Variants in SMURF2 observed in about 807,000 individuals in gnomAD.
SMURF2 encodes the protein SMAD specific E3 ubiquitin protein ligase 2.
A neutral mutation model predicts 109.6 loss-of-function variants in SMURF2; 48 were observed. The observed-to-expected ratio is 0.44, with a 90% CI of 0.35 to 0.56. The LOEUF (loss-of-function observed/expected upper bound fraction) is 0.56. Ranked by LOEUF, SMURF2 falls within the 20% of genes least tolerant of loss-of-function variation. The pLI, the probability that SMURF2 is intolerant of heterozygous loss-of-function variation, is 0.01. For synonymous variants in SMURF2, 288 were observed against 317.1 expected (o/e 0.91, Z 0.97); for missense variants, 575 against 909.0 (o/e 0.63, Z 4.72).
intron 1 of SMURF2, among the ~76,000 whole-genome samples, chr17:64,633,017 T>C (rs1229291592): frequency 6.6e-6 from 1 of 152,220 alleles, no homozygotes; most frequent in Admixed American, 6.5e-5. Flanking sequence ...AAGTCTGTAA[T>C]CTCAGCACTT....
At chr17:64,564,913 C>T (rs920723915) in intron 10 of SMURF2, among the ~76,000 whole-genome samples, 2 of 152,120 alleles carry the variant, frequency 1.3e-5, no homozygotes, top group East Asian at 3.8e-4. Context: ...GGAAGTCCCA[C>T]AGGGAGGGAC....
chr17:64,634,808 T>C (rs112618563), intron 1 of SMURF2, among the ~76,000 whole-genome samples: 6 of 152,330 alleles, frequency 3.9e-5, no homozygotes, highest in African/African-American at 1.4e-4. Context: ...CTGATGCTAA[T>C]ACATATCCTG....
intron 2 of SMURF2, among the ~76,000 whole-genome samples, chr17:64,599,251 G>A (rs1342782779): frequency 6.6e-6 from 1 of 152,118 alleles, no homozygotes; most frequent in South Asian, 2.1e-4. Flanking sequence ...ACTAGCCCAA[G>A]GTCACAGAGT....
At chr17:64,634,499 G>C (rs1478868201) in intron 1 of SMURF2, among the ~76,000 whole-genome samples, 3 of 152,138 alleles carry the variant, frequency 2.0e-5, no homozygotes, top group Non-Finnish European at 4.4e-5. Flanking sequence ...TTCAATTCCT[G>C]AGTCTTCCTA....
At chr17:64,631,474 G>T (rs1417988937) in intron 1 of SMURF2, among the ~76,000 whole-genome samples, 4 of 152,064 alleles carry the variant, frequency 2.6e-5, no homozygotes, top group African/African-American at 9.7e-5. Context: ...GACACATGTG[G>T]ATATTTAAAT....
chr17:64,660,391 GA>G (rs1477334255), intron 1 of SMURF2, among the ~76,000 whole-genome samples: 17 of 152,030 alleles, frequency 1.1e-4, no homozygotes, highest in Admixed American at 3.9e-4. Flanking sequence ...GACACTGAAT[GA>G]GGGGGGAGGG....
intron 10 of SMURF2, among the ~76,000 whole-genome samples, chr17:64,568,571 A>G (rs1218218960): frequency 1.3e-5 from 2 of 152,204 alleles, no homozygotes; most frequent in East Asian, 3.8e-4. Context: ...AAGTAATTCA[A>G]AGTCTAGTAG....
At chr17:64,647,743 T>A (rs1243855876) in intron 1 of SMURF2, among the ~76,000 whole-genome samples, 1 of 151,608 alleles carries the variant, frequency 6.6e-6, no homozygotes, top group African/African-American at 2.4e-5. Context: ...CATTTCACTT[T>A]CACTGGTTCA....
intron 5 of SMURF2, among the ~76,000 whole-genome samples, chr17:64,588,941 A>G (rs1179702580): frequency 7.2e-5 from 11 of 152,156 alleles, no homozygotes; most frequent in African/African-American, 2.7e-4. Context: ...CAGTTTTTAA[A>G]GTTAGTCTTC....
intron 1 of SMURF2, among the ~76,000 whole-genome samples, chr17:64,635,231 G>A (rs571421312): frequency 8.4e-4 from 128 of 152,222 alleles, no homozygotes; most frequent in African/African-American, 3.0e-3. Flanking sequence ...GGAGGCTGAG[G>A]CACGAGAATT....
At chr17:64,624,503 C>CAAAAAAAA (rs539075649) in intron 1 of SMURF2, among the ~76,000 whole-genome samples, 1 of 52,460 alleles carries the variant, frequency 1.9e-5, no homozygotes, top group Non-Finnish European at 4.1e-5. Flanking sequence ...CAGGCCTCTA[C>CAAAAAAAA]AAAAAAAAAA....
intron 11 of SMURF2, among the ~76,000 whole-genome samples, chr17:64,561,955 A>T (rs1555684549): frequency 6.6e-6 from 1 of 152,046 alleles, no homozygotes; most frequent in Non-Finnish European, 1.5e-5. Flanking sequence ...AGCTATGATC[A>T]TGCCACTGCA....
intron 3 of SMURF2, 135 bp downstream of exon 3, chr17:64,598,247 G>T: frequency 3.3e-6 from 2 of 599,104 alleles, no homozygotes; most frequent in Non-Finnish European, 2.7e-6. Context: ...TTCCCACTGG[G>T]CTTTTCTTTA....
chr17:64,614,925 T>G (rs565068610), intron 1 of SMURF2, among the ~76,000 whole-genome samples: 27 of 152,354 alleles, frequency 1.8e-4, no homozygotes, highest in Non-Finnish European at 3.7e-4. Flanking sequence ...TATGGAAATC[T>G]TATACTTCAT....
intron 12 of SMURF2, 132 bp from the exon 13 acceptor site, chr17:64,557,854 A>G (rs1969148442): frequency 3.7e-6 from 2 of 545,728 alleles, no homozygotes. Flanking sequence ...AACTACAGTT[A>G]TATAAGATCA....
intron 15 of SMURF2, among the ~76,000 whole-genome samples, chr17:64,553,123 T>C (rs1242114826): frequency 6.6e-6 from 1 of 152,182 alleles, no homozygotes; most frequent in Non-Finnish European, 1.5e-5. Context: ...ACCCTCTTTC[T>C]CCTTCCTATT....
chr17:64,598,524 G>T, intron 2 of SMURF2, 34 bp from the exon 3 acceptor site: 3 of 1,516,950 alleles, frequency 2.0e-6, no homozygotes, highest in South Asian at 2.5e-5. Context: ...TTAATAATTT[G>T]ACATTTAAGA....
intron 17 of SMURF2, 62 bp from the exon 18 acceptor site, chr17:64,546,400 T>A: frequency 6.8e-7 from 1 of 1,460,542 alleles, no homozygotes; most frequent in Non-Finnish European, 9.5e-7. Context: ...TCCAAAATCT[T>A]AAGAATAAAA....
chr17:64,614,804 G>T (rs1598296982), intron 1 of SMURF2, among the ~76,000 whole-genome samples: 2 of 152,172 alleles, frequency 1.3e-5, no homozygotes, highest in East Asian at 1.9e-4. Context: ...CAGATACAAA[G>T]AAAAATAAGA....
Sources: gnomAD v4.1 joint callset for allele counts (sites outside exome capture counted in the v4.1 genomes callset) on GRCh38, gnomAD v4.1.1 for gene constraint, MANE v1.5 for transcripts, NCBI Gene and HGNC (gene_info 2026-07-23, HGNC 2026-07-21) for gene names.